The following CELSR1 variants were observed in gnomAD, a reference collection of about 807,000 sequenced individuals.
CELSR1 encodes cadherin EGF LAG seven-pass G-type receptor 1.
Under a neutral mutation model 249.1 loss-of-function variants are expected in CELSR1, and 110 were observed. The observed-to-expected ratio is 0.44, with a 90% CI of 0.38 to 0.52. The LOEUF is 0.52. CELSR1 is among the 20% of genes least tolerant of loss of function. The pLI is 0.00. For synonymous variants in CELSR1, 2,113 were observed against 1,900.0 expected (o/e 1.11, Z -2.92); for missense variants, 4,109 against 4,296.4 (o/e 0.96, Z 1.22).
Position 46,378,576 on chromosome 22 carries a change from C to T in CELSR1, c.7383+15G>A, listed in dbSNP as rs1008846296. ...GTAGGCCCAGAGGGCACAGTGGCCACGGGAGGATGCCCACCTCACGCCTGG... is the reference window on the plus strand; with the variant it reads ...GTAGGCCCAGAGGGCACAGTGGCCATGGGAGGATGCCCACCTCACGCCTGG... On this transcript the variant is annotated intron_variant, in intron 23 of 34. Transcript: ENST00000674500. 1.3e-5 allele frequency: 20 copies of T among 1,553,600 alleles called. No individual in the cohort carries two copies. Among genetic ancestry groups the T allele is most frequent in the South Asian group, 3.6e-5 (3 of 84,336 alleles).
At chr22:46,476,045 G>C (rs1355565020) in intron 1 of CELSR1, among the ~76,000 whole-genome samples, 2 of 152,166 alleles carry the variant, frequency 1.3e-5, no homozygotes, top group Non-Finnish European at 2.9e-5. Flanking sequence ...GTGCATTCTT[G>C]TCAGGAGGCA....
At chr22:46,532,724 C>G (rs974497708) in intron 1 of CELSR1, among the ~76,000 whole-genome samples, 1 of 152,212 alleles carries the variant, frequency 6.6e-6, no homozygotes, top group Non-Finnish European at 1.5e-5. Context: ...TCAGGCAAAC[C>G]TCAAAGAGCC....
Position 46,409,896 on chromosome 22 carries a change from G to GTGCGGC in CELSR1, c.4934-22_4934-17dup. On this transcript the variant is annotated splice_polypyrimidine_tract_variant and intron_variant, in intron 7 of 34. Coordinates refer to ENST00000674500, the MANE Select transcript of CELSR1 (RefSeq NM_001378328.1). The surrounding 1 kb of genome is among the most constrained non-coding windows in gnomAD (Gnocchi z 9.8). The stretch of plus-strand genomic sequence containing the variant: ...GCAGCGCAGCCTGGCAACACAGAGC[G>GTGCGGC]TGCGGCAGAGCCTGACTCGGAGGAA... The GTGCGGC allele has an allele frequency of 6.2e-7, 1 of 1,610,852 alleles. No individual in the cohort carries two copies. The highest frequency in any genetic ancestry group is 8.5e-7 in the Non-Finnish European group (1 of 1,179,872).
At chr22:46,397,284 T>A (rs1437520945) in intron 12 of CELSR1, among the ~76,000 whole-genome samples, 2 of 144,342 alleles carry the variant, frequency 1.4e-5, no homozygotes, top group African/African-American at 5.1e-5. Flanking sequence ...TTGCTTTTTT[T>A]TTTTTTTTTT....
chr22:46,442,383 G>T (rs1308061574), intron 2 of CELSR1, among the ~76,000 whole-genome samples: 1 of 152,242 alleles, frequency 6.6e-6, no homozygotes, highest in Non-Finnish European at 1.5e-5. Context: ...GCCCAACGCA[G>T]GCCATCCCCG....
intron 2 of CELSR1, among the ~76,000 whole-genome samples, chr22:46,462,349 A>G (rs1458437313): frequency 6.6e-6 from 1 of 152,172 alleles, no homozygotes; most frequent in Non-Finnish European, 1.5e-5. Context: ...GCACCCTTGC[A>G]TCAGGCTGCC....
intron 1 of CELSR1, among the ~76,000 whole-genome samples, chr22:46,475,228 T>A (rs547032521): frequency 6.6e-5 from 10 of 151,856 alleles, no homozygotes; most frequent in South Asian, 4.2e-4. Flanking sequence ...AGGATAAACA[T>A]TACACATTAT....
rs1212793268 is a variant in CELSR1 at position 46,363,573 on chromosome 22, A to AG, written c.9036-327dup. On this transcript the variant is annotated intron_variant, in intron 34 of 34. Transcript: ENST00000674500. This position sits in a 1 kb window ranked among gnomAD's most constrained non-coding sequence, Gnocchi z 4.3. ...CTCCCTTGTGAGTTTGGAGGGAGGG[A>AG]GGGGCGACAGGGAGAGGTCTGGGGC... 3 of 345,332 alleles carry AG rather than the reference A, an allele frequency of 8.7e-6. No individual in the cohort carries two copies. The highest frequency in any genetic ancestry group is 1.6e-5 in the Non-Finnish European group (3 of 186,654). The allele number at this position is 345,332 out of a possible 1,614,324, so 21.4% of individuals were successfully genotyped here. A position where few individuals can be genotyped will look rare whatever the true frequency, so the allele number is the denominator to read the frequency against.
At chr22:46,523,694 A>AC (rs1247612552) in intron 1 of CELSR1, among the ~76,000 whole-genome samples, 1 of 152,104 alleles carries the variant, frequency 6.6e-6, no homozygotes, top group Non-Finnish European at 1.5e-5. Context: ...AGGCCCCTCA[A>AC]CAGGTGCGTC....
At chr22:46,420,660 T>C (rs1029913134) in intron 5 of CELSR1, among the ~76,000 whole-genome samples, 4 of 152,152 alleles carry the variant, frequency 2.6e-5, no homozygotes, top group African/African-American at 9.7e-5. Flanking sequence ...CACTAACACA[T>C]GCTCATACAA....
At chr22:46,519,871 G>GTT (rs2080667114) in intron 1 of CELSR1, among the ~76,000 whole-genome samples, 1 of 133,154 alleles carries the variant, frequency 7.5e-6, no homozygotes, top group South Asian at 2.4e-4. Context: ...TACCCCTATT[G>GTT]CTTTTTTTTT....
In CELSR1 at chr22:46,517,936, T is replaced by G. The variant is rs990662094; in HGVS notation, c.3544+15691A>C. Among the ~76,000 whole-genome samples the G allele has an allele frequency of 5.3e-4, 80 of 151,710 alleles. No homozygotes were observed. The highest frequency in any genetic ancestry group is 2.1e-4 in the South Asian group (1 of 4,800). ...TTTTTTTTTGAGACAGAGTTTCACT[T>G]TTGTTGCCCAGGCCAGAGTGCAATG... On this transcript the variant is annotated intron_variant, in intron 1 of 34. Coordinates refer to ENST00000674500, the MANE Select transcript of CELSR1 (RefSeq NM_001378328.1). The surrounding 1 kb of genome is among the most constrained non-coding windows in gnomAD (Gnocchi z 5.4).
chr22:46,452,495 C>A (rs1032112928), intron 2 of CELSR1, among the ~76,000 whole-genome samples: 1 of 152,220 alleles, frequency 6.6e-6, no homozygotes, highest in Non-Finnish European at 1.5e-5. Flanking sequence ...GGGGTACACA[C>A]AGCTGGCACT....
chr22:46,448,147 T>C lies in CELSR1; in HGVS notation c.4184-8736A>G, dbSNP rs1318015523. On this transcript the variant is annotated intron_variant, in intron 2 of 34. Transcript: ENST00000674500. The surrounding 1 kb of genome is among the most constrained non-coding windows in gnomAD (Gnocchi z 5.7). ...ACAGGGCTTCAGCAAACGGCTTACC[T>C]GCTGCAGGCGGGGGCTGGGTGCTGG... is the stretch of plus-strand genomic sequence containing the variant. Among the ~76,000 whole-genome samples, 1 of 152,220 alleles carries C rather than the reference T, an allele frequency of 6.6e-6. No individual in the cohort carries two copies. Among genetic ancestry groups the C allele is most frequent in the Admixed American group, 6.5e-5 (1 of 15,280 alleles).
At chr22:46,467,454 G>C (rs527653994) in intron 1 of CELSR1, among the ~76,000 whole-genome samples, 1 of 152,018 alleles carries the variant, frequency 6.6e-6, no homozygotes. Context: ...AAAGGGACAC[G>C]CACAGTGTGA....
intron 2 of CELSR1, among the ~76,000 whole-genome samples, chr22:46,461,539 G>C (rs759026913): frequency 9.2e-5 from 14 of 152,212 alleles, no homozygotes; most frequent in Non-Finnish European, 2.1e-4. Flanking sequence ...TCAAAGCCAC[G>C]TTAGACGTTA....
In CELSR1 at chr22:46,473,292, G is replaced by A. The variant is rs1457916878; in HGVS notation, c.3545-8947C>T. Among the ~76,000 whole-genome samples the A allele has an allele frequency of 1.3e-5, 2 of 152,118 alleles. No homozygotes were observed. The highest frequency in any genetic ancestry group is 1.3e-4 in the Admixed American group (2 of 15,270). On this transcript the variant is annotated intron_variant, in intron 1 of 34. Transcript: ENST00000674500. The surrounding 1 kb of genome is among the most constrained non-coding windows in gnomAD (Gnocchi z 6.6). ...AGTGGCGGGGCCCAGATTAACCTGA[G>A]GCCAAGTCCCCAGTGATGGTGGATG... is the stretch of plus-strand genomic sequence containing the variant.
chr22:46,518,063 C>A lies in CELSR1; in HGVS notation c.3544+15564G>T, dbSNP rs767734109. On this transcript the variant is annotated intron_variant, in intron 1 of 34. Transcript: ENST00000674500. This position sits in a 1 kb window ranked among gnomAD's most constrained non-coding sequence, Gnocchi z 5.2. The stretch of plus-strand genomic sequence containing the variant: ...GATTACAGTCATGTGCCACCACACC[C>A]GGGTAATTTTTTTGTGTTTTTAGTA... 6.6e-6 allele frequency among the ~76,000 whole-genome samples: 1 copy of A among 151,606 alleles called. No individual in the cohort carries two copies. Among genetic ancestry groups the A allele is most frequent in the East Asian group, 1.9e-4 (1 of 5,186 alleles).
chr22:46,464,206 C>T lies in CELSR1; in HGVS notation c.3684G>A (p.Val1228=). 6.2e-7 allele frequency: 1 copy of T among 1,613,708 alleles called. No homozygotes were observed. Among genetic ancestry groups the T allele is most frequent in the Non-Finnish European group, 8.5e-7 (1 of 1,180,020 alleles). ...KFLSPLLALF[V]EGVAAVLSTT... is the part of the protein sequence containing the mutation. ...TGGACAGCACGGCGGCCACCCCCTCCACGAAGAGGGCCAGCAGCGGGGACA... is the reference window on the plus strand; with the variant it reads ...TGGACAGCACGGCGGCCACCCCCTCTACGAAGAGGGCCAGCAGCGGGGACA... The change falls in exon 2 of 35, where the codon GTG becomes GTA. Residue 1228 remains valine (V), a synonymous_variant. Coordinates refer to ENST00000674500, the MANE Select transcript of CELSR1 (RefSeq NM_001378328.1). This position sits in a 1 kb window ranked among gnomAD's most constrained non-coding sequence, Gnocchi z 8.5.
Sources: allele counts gnomAD v4.1 joint callset (sites outside exome capture counted in the v4.1 genomes callset), GRCh38; gene constraint gnomAD v4.1.1; non-coding constraint Gnocchi (gnomAD v3.1); transcripts MANE v1.5; gene names NCBI Gene and HGNC (gene_info 2026-07-23, HGNC 2026-07-21).